The following TSPAN12 variants were observed in gnomAD, a reference collection of about 807,000 sequenced individuals.
The protein encoded by TSPAN12 is tetraspanin-12.
TSPAN12 carries 19 observed loss-of-function variants against 39.2 expected under a neutral mutation model. The observed-to-expected ratio is 0.49, with a 90% CI of 0.34 to 0.71. The LOEUF (loss-of-function observed/expected upper bound fraction) is 0.71. Ranked by LOEUF, TSPAN12 falls within the 30% of genes least tolerant of loss-of-function variation. The probability of loss-of-function intolerance (pLI) is 0.01; values close to 1 mark genes in which losing one functional copy is unlikely to be tolerated. For synonymous variants in TSPAN12, 119 were observed against 124.8 expected (o/e 0.95, Z 0.31); for missense variants, 314 against 359.9 (o/e 0.87, Z 1.03).
chr7:120,851,732 C>G (rs1188176695), intron 2 of TSPAN12, among the ~76,000 whole-genome samples: 1 of 152,150 alleles, frequency 6.6e-6, no homozygotes, highest in Non-Finnish European at 1.5e-5. Flanking sequence ...CGTCCTTACT[C>G]CACCATGGAG....
At chr7:120,836,199 G>A (rs1004021413) in intron 4 of TSPAN12, among the ~76,000 whole-genome samples, 8 of 152,188 alleles carry the variant, frequency 5.3e-5, no homozygotes, top group African/African-American at 1.9e-4. Context: ...AGCCAGAGAG[G>A]AGAGCCTGAG....
chr7:120,788,931 GAT>G, intron 7 of TSPAN12, 34 bp from the exon 8 acceptor site: 1 of 1,611,138 alleles, frequency 6.2e-7, no homozygotes, highest in South Asian at 1.1e-5. Context: ...CATTACTTTA[GAT>G]ATGTTACAGA....
intron 4 of TSPAN12, among the ~76,000 whole-genome samples, chr7:120,817,126 C>T (rs186804478): frequency 4.4e-4 from 67 of 152,040 alleles, no homozygotes; most frequent in African/African-American, 1.3e-3. Context: ...GTAATCTCAA[C>T]GTTTGGGTTT....
chr7:120,838,003 A>G (rs1462233377), intron 4 of TSPAN12, among the ~76,000 whole-genome samples: 1 of 152,238 alleles, frequency 6.6e-6, no homozygotes, highest in Non-Finnish European at 1.5e-5. Context: ...TATGAAATTA[A>G]TACACAGCCA....
chr7:120,852,556 A>G (rs1479893099), intron 2 of TSPAN12, among the ~76,000 whole-genome samples: 1 of 152,222 alleles, frequency 6.6e-6, no homozygotes, highest in African/African-American at 2.4e-5. Context: ...GCACTCTCAG[A>G]TAGAACGCAC....
chr7:120,857,876 C>CG lies in TSPAN12; in HGVS notation c.-128dup, dbSNP rs1714869180. ...CCTGGGGATAGTCGGGGACGCACGG[C>CG]GGGGGCTCATCGGGGCAGGGAACTT... is the stretch of plus-strand genomic sequence containing the variant. On this transcript the variant is annotated 5_prime_UTR_variant, in exon 1 of 8. It introduces an in-frame stop codon into an upstream open reading frame of the 5' UTR. Coordinates refer to ENST00000222747, the MANE Select transcript of TSPAN12 (RefSeq NM_012338.4). 1 of 152,034 alleles carries CG rather than the reference C, an allele frequency of 6.6e-6. No homozygotes were observed. Among genetic ancestry groups the CG allele is most frequent in the South Asian group, 2.1e-4 (1 of 4,792 alleles). The allele number at this position is 152,034 out of a possible 1,614,324, so 9.4% of individuals were successfully genotyped here. A position where few individuals can be genotyped will look rare whatever the true frequency, so the allele number is the denominator to read the frequency against.
intron 7 of TSPAN12, among the ~76,000 whole-genome samples, chr7:120,795,418 A>G (rs1334227209): frequency 6.6e-6 from 1 of 152,212 alleles, no homozygotes; most frequent in Non-Finnish European, 1.5e-5. Context: ...ATCTATTTGA[A>G]GCCATGTCAG....
At chr7:120,839,007 C>A in intron 3 of TSPAN12, 95 bp from the exon 4 acceptor site, 5 of 1,321,544 alleles carry the variant, frequency 3.8e-6, no homozygotes, top group Admixed American at 1.7e-5. Context: ...GTTAATAATT[C>A]TTTCAATCAT....
intron 4 of TSPAN12, among the ~76,000 whole-genome samples, chr7:120,833,836 G>C (rs933153622): frequency 2.2e-4 from 33 of 152,220 alleles, no homozygotes; most frequent in African/African-American, 7.9e-4. Context: ...TTAATAGCAA[G>C]GTAGAACTGC....
chr7:120,806,464 A>G (rs570953481), intron 7 of TSPAN12, 85 bp downstream of exon 7: 2 of 1,519,102 alleles, frequency 1.3e-6, no homozygotes, highest in Non-Finnish European at 1.8e-6. Context: ...CAGAGAAGGA[A>G]AATTTCATTG....
At chr7:120,857,610 C>T (rs940983265) in intron 1 of TSPAN12, among the ~76,000 whole-genome samples, 3 of 152,088 alleles carry the variant, frequency 2.0e-5, no homozygotes, top group African/African-American at 7.2e-5. Flanking sequence ...CGCGACCCCT[C>T]GCTCAAAGCC....
intron 4 of TSPAN12, among the ~76,000 whole-genome samples, chr7:120,832,182 TCTTA>T (rs896076159): frequency 2.6e-5 from 4 of 152,090 alleles, no homozygotes; most frequent in Non-Finnish European, 4.4e-5. Flanking sequence ...AGTCCCTAAG[TCTTA>T]CTTAGTTCAT....
At chr7:120,820,591 T>C (rs770365105) in intron 4 of TSPAN12, among the ~76,000 whole-genome samples, 9 of 152,100 alleles carry the variant, frequency 5.9e-5, no homozygotes, top group African/African-American at 1.9e-4. Context: ...CTGCTGTATT[T>C]CAGGTCTCAG....
intron 4 of TSPAN12, among the ~76,000 whole-genome samples, chr7:120,838,006 C>T (rs1019240078): frequency 6.6e-6 from 1 of 152,208 alleles, no homozygotes; most frequent in Non-Finnish European, 1.5e-5. Flanking sequence ...GAAATTAATA[C>T]ACAGCCAGGG....
chr7:120,856,132 C>T (rs1021774594), intron 2 of TSPAN12, among the ~76,000 whole-genome samples: 3 of 152,108 alleles, frequency 2.0e-5, no homozygotes, highest in Non-Finnish European at 4.4e-5. Flanking sequence ...ACACACAATT[C>T]CTTAAACTTT....
chr7:120,813,348 T>C (rs1794018668), intron 5 of TSPAN12, among the ~76,000 whole-genome samples: 1 of 152,228 alleles, frequency 6.6e-6, no homozygotes, highest in African/African-American at 2.4e-5. Context: ...AAAACAGTGA[T>C]GTGTGCCCTC....
At chr7:120,813,243 C>T (rs750686822) in intron 5 of TSPAN12, among the ~76,000 whole-genome samples, 3 of 152,276 alleles carry the variant, frequency 2.0e-5, no homozygotes, top group Non-Finnish European at 4.4e-5. Context: ...CAATAAAAAA[C>T]CTGACAAACT....
At chr7:120,857,396 A>C (rs3814460) in intron 1 of TSPAN12, 9 of 152,814 alleles carry the variant, frequency 5.9e-5, no homozygotes, top group African/African-American at 1.7e-4. Context: ...GGCGGGGGCG[A>C]GGGGGCAGCG....
At chr7:120,793,724 C>T (rs1022107572) in intron 7 of TSPAN12, among the ~76,000 whole-genome samples, 4 of 152,130 alleles carry the variant, frequency 2.6e-5, no homozygotes, top group African/African-American at 9.7e-5. Context: ...TCCGTCAAAC[C>T]AGGTCACCAA....
Sources: gnomAD v4.1 joint callset for allele counts (sites outside exome capture counted in the v4.1 genomes callset) on GRCh38, gnomAD v4.1.1 for gene constraint, MANE v1.5 for transcripts, NCBI Gene and HGNC (gene_info 2026-07-23, HGNC 2026-07-21) for gene names.